The following BLTP1 variants were observed in gnomAD, a reference collection of about 807,000 sequenced individuals.
BLTP1 encodes bridge-like lipid transfer protein family member 1.
At chr4:122,230,504 C>T in the BLTP1 span, among the ~76,000 whole-genome samples, 2 of 152,196 alleles carry the variant, frequency 1.3e-5, no homozygotes, top group East Asian at 3.9e-4. Context: ...CCCCAAATAA[C>T]GTTTTGTAAA....
At chr4:122,308,272 T>C in the BLTP1 span, 1 of 1,165,536 alleles carries the variant, frequency 8.6e-7, no homozygotes, top group South Asian at 1.5e-5. Context: ...TTTATAACTG[T>C]TTAGTAGGTA....
the BLTP1 span, chr4:122,287,591 G>A: frequency 1.0e-6 from 1 of 985,162 alleles, no homozygotes; most frequent in East Asian, 1.1e-4. Context: ...TTATGAAAAA[G>A]CAATGTGCTA....
At chr4:122,356,807 G>A in the BLTP1 span, 1 of 1,575,826 alleles carries the variant, frequency 6.3e-7, no homozygotes, top group Non-Finnish European at 8.6e-7. Context: ...AGCTGTCAAT[G>A]CCATTTACAT....
chr4:122,188,950 T>C, the BLTP1 span: 1 of 985,306 alleles, frequency 1.0e-6, no homozygotes, highest in Non-Finnish European at 1.2e-6. Context: ...GGTTTTTCCT[T>C]TTTGAGTATC....
the BLTP1 span, chr4:122,236,866 G>A: frequency 1.0e-6 from 1 of 983,932 alleles, no homozygotes; most frequent in African/African-American, 1.8e-5. Flanking sequence ...GTCCAGGGAA[G>A]CTTGGAAATA....
the BLTP1 span, chr4:122,279,698 G>T: frequency 6.9e-7 from 1 of 1,458,944 alleles, no homozygotes; most frequent in Non-Finnish European, 9.1e-7. Context: ...TATTTTTCTT[G>T]CTCTCAATAT....
chr4:122,359,315 C>G, the BLTP1 span: 1 of 977,314 alleles, frequency 1.0e-6, no homozygotes, highest in Non-Finnish European at 1.2e-6. Flanking sequence ...ATTTCAGTGC[C>G]ATAGGCTTGC....
chr4:122,167,648 C>T, the BLTP1 span: 4 of 985,192 alleles, frequency 4.1e-6, no homozygotes, highest in Admixed American at 6.2e-5. Context: ...AGTGTATGCT[C>T]CTCATCTCAC....
chr4:122,196,214 C>A, the BLTP1 span, among the ~76,000 whole-genome samples: 5 of 152,162 alleles, frequency 3.3e-5, no homozygotes, highest in South Asian at 6.2e-4. Flanking sequence ...ACCATTTAAA[C>A]CTCTGAGCCT....
At chr4:122,200,754 A>T in the BLTP1 span, 1 of 928,904 alleles carries the variant, frequency 1.1e-6, no homozygotes, top group Admixed American at 6.2e-5. Context: ...GGAGTGCAGT[A>T]TCAACACTGT....
chr4:122,197,358 CATT>C, the BLTP1 span: 2 of 1,065,694 alleles, frequency 1.9e-6, no homozygotes, highest in Non-Finnish European at 2.5e-6. Context: ...CTTAGACTAA[CATT>C]AATAAGGTTT....
chr4:122,195,640 C>T, the BLTP1 span: 1 of 554,766 alleles, frequency 1.8e-6, no homozygotes, highest in Non-Finnish European at 2.3e-6. Context: ...GGTCTACTGC[C>T]CTTCTCATTA....
chr4:122,235,499 GT>G, the BLTP1 span: 1 of 980,986 alleles, frequency 1.0e-6, no homozygotes. Flanking sequence ...AAGAACTCCA[GT>G]CTTAGAATCT....
At chr4:122,275,892 C>A in the BLTP1 span, 3 of 1,384,834 alleles carry the variant, frequency 2.2e-6, no homozygotes, top group South Asian at 6.2e-5. Flanking sequence ...GATGATTGGT[C>A]ATATTGTAAC....
the BLTP1 span, among the ~76,000 whole-genome samples, chr4:122,180,385 A>G: frequency 1.3e-5 from 2 of 152,186 alleles, no homozygotes; most frequent in Non-Finnish European, 2.9e-5. Context: ...TTTTAAGATA[A>G]TCTTTCAGAA....
chr4:122,302,176 C>G, the BLTP1 span: 33 of 497,276 alleles, frequency 6.6e-5, no homozygotes, highest in South Asian at 8.8e-5. Context: ...TGTATTCAAT[C>G]CATTGAATAC....
chr4:122,280,066 A>G, the BLTP1 span: 1 of 1,593,442 alleles, frequency 6.3e-7, no homozygotes, highest in East Asian at 2.2e-5. Context: ...GTTTGGAGGG[A>G]GATGAAGGGT....
At chr4:122,353,829 C>A in the BLTP1 span, 1 of 1,609,236 alleles carries the variant, frequency 6.2e-7, no homozygotes, top group South Asian at 1.1e-5. The surrounding 1 kb of genome is among the most constrained non-coding windows in gnomAD (Gnocchi z 4.3). Flanking sequence ...AGTGATCATT[C>A]TACATATATT....
chr4:122,290,812 T>TATAC, the BLTP1 span: 7 of 92,602 alleles, frequency 7.6e-5, no homozygotes, highest in African/African-American at 2.6e-4. Context: ...AAAAAAAATA[T>TATAC]ACACACACAC....
Sources: allele counts gnomAD v4.1 joint callset (sites outside exome capture counted in the v4.1 genomes callset), GRCh38; gene constraint gnomAD v4.1.1; non-coding constraint Gnocchi (gnomAD v3.1); transcripts MANE v1.5; gene names NCBI Gene and HGNC (gene_info 2026-07-23, HGNC 2026-07-21).